HPD: variants seen among roughly 807,000 people sequenced by gnomAD.
The protein encoded by HPD is 4-hydroxyphenylpyruvic acid oxidase.
In HPD, 35 loss-of-function variants were observed where a neutral mutation model predicts 56.9. That is an observed-to-expected ratio of 0.62 (90% CI 0.47 to 0.82). HPD has a LOEUF of 0.82. HPD is among the 40% of genes least tolerant of loss of function. HPD has a pLI of 0.00. For synonymous variants in HPD, 186 were observed against 200.2 expected, an observed-to-expected ratio of 0.93 and a Z score of 0.60; for missense variants, 442 against 506.8, an observed-to-expected ratio of 0.87 and a Z score of 1.23.
chr12:121,872,204 A>C, the HPD span, among the ~76,000 whole-genome samples: 3 of 139,890 alleles, frequency 2.1e-5, no homozygotes, highest in Non-Finnish European at 3.1e-5. Flanking sequence ...ACGCCACTAC[A>C]CTCCAGCCTG....
intron 6 of HPD, among the ~76,000 whole-genome samples, chr12:121,855,532 A>G (rs1040810693): frequency 6.6e-6 from 1 of 152,196 alleles, no homozygotes; most frequent in Non-Finnish European, 1.5e-5. Flanking sequence ...AGCCTGGCCA[A>G]TATGGCAAAA....
At chr12:121,883,356 G>A in the HPD span, among the ~76,000 whole-genome samples, 1 of 151,812 alleles carries the variant, frequency 6.6e-6, no homozygotes, top group Admixed American at 6.6e-5. Flanking sequence ...TGGGAAGGTT[G>A]TTCTGGCTGC....
chr12:121,856,590 C>T lies in HPD; in HGVS notation c.234G>A (p.Trp78Ter). 6.2e-7 allele frequency: 1 copy of T among 1,614,110 alleles called. No homozygotes were observed. The highest frequency in any genetic ancestry group is 8.5e-7 in the Non-Finnish European group (1 of 1,179,998). The change falls in exon 5 of 14, where the codon TGG (tryptophan) becomes TGA (stop). Residue 78 changes from tryptophan (W) to a stop codon, truncating the protein, a stop_gained. Coordinates refer to ENST00000289004, the MANE Select transcript of HPD (RefSeq NM_002150.3). LOFTEE classifies it high-confidence loss of function. The part of the protein sequence containing the change: ...VFVLSSALNP[W>*]NKEMGDHLVK... ...CCTCCCCGGGCACCTCACCTTTGTT[C>T]CAGGGGTTGAGCGCTGAGGAGAGGA...
chr12:121,869,105 G>C, the HPD span, among the ~76,000 whole-genome samples: 1 of 152,136 alleles, frequency 6.6e-6, no homozygotes, highest in South Asian at 2.1e-4. Flanking sequence ...TGTAATCCTA[G>C]CACTTTGGGA....
chr12:121,864,244 CA>C (rs955664511), upstream of HPD, among the ~76,000 whole-genome samples: 3 of 149,746 alleles, frequency 2.0e-5, no homozygotes, highest in African/African-American at 7.4e-5. Flanking sequence ...CTCTGTCACA[CA>C]AAAAAAAGAA....
chr12:121,876,038 G>A, the HPD span, among the ~76,000 whole-genome samples: 10 of 152,304 alleles, frequency 6.6e-5, no homozygotes, highest in South Asian at 2.1e-4. Context: ...GAGGCCAGGC[G>A]TGGTGGCTCA....
At chr12:121,855,545 C>A (rs573644967) in intron 6 of HPD, among the ~76,000 whole-genome samples, 3 of 152,202 alleles carry the variant, frequency 2.0e-5, no homozygotes, top group Admixed American at 2.0e-4. Context: ...TGGCAAAACT[C>A]CATCTCTACT....
At chr12:121,853,556 C>A (rs1306910123) in intron 7 of HPD, among the ~76,000 whole-genome samples, 152 of 149,370 alleles carry the variant, frequency 1.0e-3, no homozygotes, top group Non-Finnish European at 1.5e-3. Context: ...CGGAAGGCAG[C>A]GCTTGCAGTG....
intron 11 of HPD, among the ~76,000 whole-genome samples, chr12:121,844,341 G>A (rs892739784): frequency 1.1e-4 from 16 of 151,974 alleles, no homozygotes; most frequent in South Asian, 4.1e-4. Flanking sequence ...CACTGAGCCC[G>A]GCCTGAGCAC....
At chr12:121,862,596 CTTTTTTTTTTTTTTTTTT>C (rs146807602), upstream of HPD, among the ~76,000 whole-genome samples, 1 of 43,068 alleles carries the variant, frequency 2.3e-5, no homozygotes, top group African/African-American at 1.4e-4. Context: ...CGCTCTCGGC[CTTTTTTTTTTTTTTTTTT>C]TTTTTTTTTT....
chr12:121,853,511 A>G (rs949366427), intron 7 of HPD, among the ~76,000 whole-genome samples: 21 of 150,904 alleles, frequency 1.4e-4, no homozygotes, highest in Non-Finnish European at 2.2e-4. Context: ...AGTCCCAGCT[A>G]CTCGGGAGGC....
the HPD span, among the ~76,000 whole-genome samples, chr12:121,879,628 G>A: frequency 6.6e-6 from 1 of 151,882 alleles, no homozygotes; most frequent in Non-Finnish European, 1.5e-5. Context: ...CTCCCATCTC[G>A]GCCTGAGTAG....
the HPD span, among the ~76,000 whole-genome samples, chr12:121,886,176 T>A: frequency 6.7e-6 from 1 of 149,428 alleles, no homozygotes; most frequent in Admixed American, 6.7e-5. Context: ...TGGCACGATC[T>A]CTGCTCACTG....
intron 11 of HPD, among the ~76,000 whole-genome samples, chr12:121,845,588 C>G (rs1291811080): frequency 1.2e-4 from 17 of 139,212 alleles, no homozygotes; most frequent in East Asian, 6.6e-4. Context: ...GCGACAGAGC[C>G]AGGCTCCGTC....
At chr12:121,852,378 C>T (rs970931522) in intron 7 of HPD, among the ~76,000 whole-genome samples, 6 of 151,950 alleles carry the variant, frequency 3.9e-5, no homozygotes, top group African/African-American at 1.2e-4. Flanking sequence ...CTATCTTGCC[C>T]ATGCTGGTCT....
the HPD span, among the ~76,000 whole-genome samples, chr12:121,874,558 C>T: frequency 1.3e-5 from 2 of 151,440 alleles, no homozygotes; most frequent in African/African-American, 4.8e-5. Flanking sequence ...GCAGAGGTTG[C>T]AGTGAGCCGA....
chr12:121,849,640 C>G, intron 8 of HPD, 47 bp downstream of exon 8: 4 of 1,243,220 alleles, frequency 3.2e-6, no homozygotes, highest in Non-Finnish European at 4.8e-6. Context: ...TTACTTTTCA[C>G]AGTCCCTCAG....
chr12:121,884,658 C>T, the HPD span, among the ~76,000 whole-genome samples: 2 of 151,840 alleles, frequency 1.3e-5, no homozygotes, highest in African/African-American at 4.8e-5. Flanking sequence ...TATTTTTCTA[C>T]CTTTTCTCTT....
intron 11 of HPD, among the ~76,000 whole-genome samples, chr12:121,844,340 C>T (rs1363147324): frequency 2.0e-5 from 3 of 152,034 alleles, no homozygotes; most frequent in Non-Finnish European, 4.4e-5. Context: ...CCACTGAGCC[C>T]GGCCTGAGCA....
Sources: allele counts gnomAD v4.1 joint callset (sites outside exome capture counted in the v4.1 genomes callset), GRCh38; gene constraint gnomAD v4.1.1; transcripts MANE v1.5; gene names NCBI Gene and HGNC (gene_info 2026-07-23, HGNC 2026-07-21).